The following DLGAP5 variants were observed in gnomAD, a reference collection of about 807,000 sequenced individuals.
DLGAP5 encodes DLG associated protein 5, also known as disks large-associated protein 5.
DLGAP5 carries 90 observed loss-of-function variants against 99.6 expected under a neutral mutation model. That is an observed-to-expected ratio of 0.90 (90% CI 0.76 to 1.08). DLGAP5 has a LOEUF of 1.08. Among genes scored for constraint, DLGAP5 ranks in the 50% least tolerant of loss-of-function variants. The pLI is 0.00. For missense variants in DLGAP5, 1,036 were observed against 983.5 expected (o/e 1.05, Z -0.71); for synonymous variants, 311 against 321.3 (o/e 0.97, Z 0.34).
At position 55,177,433 on chromosome 14, in the gene DLGAP5, A is replaced by T; in HGVS notation, c.775-97T>A. The T allele has an allele frequency of 4.5e-6, 5 of 1,119,402 alleles. No homozygotes were observed. The South Asian group carries it at 8.4e-5, about 19-fold the overall frequency. 69.3% of individuals were successfully genotyped at this position (1,119,402 alleles called of 1,614,324 possible). A position where few individuals can be genotyped will look rare whatever the true frequency, so the allele number is the denominator to read the frequency against. On this transcript the variant is annotated intron_variant, in intron 7 of 18. Coordinates refer to ENST00000247191, the MANE Select transcript of DLGAP5 (RefSeq NM_014750.5). ...TCTGAAAATATGACAACAGAAATATATGTTCTATGTACATAATTTGAGAGA... is the reference window on the plus strand; with the variant it reads ...TCTGAAAATATGACAACAGAAATATTTGTTCTATGTACATAATTTGAGAGA...
Position 55,170,778 on chromosome 14 carries a change from G to A in DLGAP5, c.1311C>T (p.Leu437=), listed in dbSNP as rs780579643. 2.5e-6 allele frequency: 4 copies of A among 1,613,078 alleles called. No homozygotes were observed. Among genetic ancestry groups the A allele is most frequent in the African/African-American group, 1.3e-5 (1 of 74,896 alleles). The change falls in exon 11 of 19, where the codon CTC becomes CTT. Residue 437 remains leucine (L), a synonymous_variant. Coordinates refer to ENST00000247191, the MANE Select transcript of DLGAP5 (RefSeq NM_014750.5). ...AAGTTAATTTCTCAGTTTCTGACTG[G>A]AGGATATTTCTAAAATTATGACATA... ...HHGVPYFRNI[L]QSETEKLTSH...
intron 17 of DLGAP5, among the ~76,000 whole-genome samples, chr14:55,151,430 A>G (rs1214004843): frequency 6.6e-6 from 1 of 152,110 alleles, no homozygotes; most frequent in Non-Finnish European, 1.5e-5. Flanking sequence ...GTACATGTGT[A>G]GGAGAATCGC....
In DLGAP5 at chr14:55,181,244, A is replaced by G. The variant is rs1883263441; in HGVS notation, c.549T>C (p.Ser183=). 6.2e-7 allele frequency: 1 copy of G among 1,613,994 alleles called. No individual in the cohort carries two copies. Among genetic ancestry groups the G allele is most frequent in the African/African-American group, 1.3e-5 (1 of 74,930 alleles). The change falls in exon 5 of 19, where the codon TCT becomes TCC. Residue 183 remains serine, a synonymous_variant. Coordinates refer to ENST00000247191, the MANE Select transcript of DLGAP5 (RefSeq NM_014750.5). ...TCTCTTTGTCTGACACTTTCTTTTC[A>G]GAAGTTTGTCTTGGACCAGGTCGGA... is the stretch of plus-strand genomic sequence containing the variant. ...RAIRPGPRQT[S]EKKVSDKEKK...
chr14:55,173,366 C>T (rs374500942), intron 10 of DLGAP5, among the ~76,000 whole-genome samples: 7 of 151,630 alleles, frequency 4.6e-5, no homozygotes, highest in Non-Finnish European at 8.8e-5. Flanking sequence ...AGAGAGGCTG[C>T]GGTGAGCTGA....
intron 2 of DLGAP5, among the ~76,000 whole-genome samples, chr14:55,184,444 C>T (rs1437007910): frequency 6.6e-6 from 1 of 152,162 alleles, no homozygotes; most frequent in Non-Finnish European, 1.5e-5. Context: ...TATTACTTCA[C>T]TTTTAAATTA....
At chr14:55,178,182 G>A (rs1206596939) in intron 7 of DLGAP5, among the ~76,000 whole-genome samples, 1 of 151,928 alleles carries the variant, frequency 6.6e-6, no homozygotes, top group African/African-American at 2.4e-5. Flanking sequence ...AAACCGGGAG[G>A]TGGAGCTTGC....
At chr14:55,151,076 A>T (rs1004136684) in intron 17 of DLGAP5, among the ~76,000 whole-genome samples, 5 of 152,204 alleles carry the variant, frequency 3.3e-5, no homozygotes, top group African/African-American at 1.2e-4. Flanking sequence ...CATTAAAGGT[A>T]CCCAGAAAAT....
At chr14:55,175,059 A>G (rs1883009974) in intron 10 of DLGAP5, among the ~76,000 whole-genome samples, 1 of 152,220 alleles carries the variant, frequency 6.6e-6, no homozygotes, top group Non-Finnish European at 1.5e-5. Flanking sequence ...TGAACTATCC[A>G]TGGAAGTATT....
chr14:55,165,540 AAC>A (rs1882608937), intron 12 of DLGAP5, among the ~76,000 whole-genome samples: 1 of 151,680 alleles, frequency 6.6e-6, no homozygotes, highest in Non-Finnish European at 1.5e-5. Flanking sequence ...CAAAAAAAAA[AAC>A]CCCAAAAAAA....
chr14:55,162,757 G>A (rs1453009459), intron 13 of DLGAP5, among the ~76,000 whole-genome samples: 2 of 151,902 alleles, frequency 1.3e-5, no homozygotes, highest in African/African-American at 4.8e-5. Context: ...TAAATTTTAT[G>A]TTGATCGATT....
chr14:55,163,747 T>C (rs1882530789), intron 12 of DLGAP5, among the ~76,000 whole-genome samples: 2 of 152,230 alleles, frequency 1.3e-5, no homozygotes, highest in South Asian at 2.1e-4. Context: ...TATCTCACTG[T>C]TGTTTTGATT....
intron 12 of DLGAP5, among the ~76,000 whole-genome samples, chr14:55,164,141 A>G (rs548158425): frequency 1.3e-5 from 2 of 152,292 alleles, no homozygotes; most frequent in East Asian, 3.9e-4. Flanking sequence ...ATGCACTTAT[A>G]CACACATATC....
At chr14:55,186,962 G>A in intron 2 of DLGAP5, among the ~76,000 whole-genome samples, 1 of 152,188 alleles carries the variant, frequency 6.6e-6, no homozygotes, top group South Asian at 2.1e-4. Flanking sequence ...CCAGGCTGGA[G>A]TGCAGTGGTG....
rs1446992840 is a variant in DLGAP5 at position 55,150,804 on chromosome 14, C to G, written c.2413G>C (p.Asp805His). 6.4e-7 allele frequency: 1 copy of G among 1,573,510 alleles called. No homozygotes were observed. Among genetic ancestry groups the G allele is most frequent in the Non-Finnish European group, 8.6e-7 (1 of 1,167,286 alleles). ...TGTCAAGTTGGAAAACTTACTGAAT[C>G]AAGAAGGTGGCATTCAGTAGTGAGA... ...KSLTTECHLL[D>H]SPGLNCSNPF... The change falls in exon 18 of 19, where the codon GAT becomes CAT. Residue 805 changes from aspartate to histidine, a missense_variant. Asp to His is a moderately conservative substitution (Grantham distance 81). Transcript: ENST00000247191.
chr14:55,150,664 G>C (rs945594042), intron 18 of DLGAP5, 135 bp downstream of exon 18: 23 of 627,658 alleles, frequency 3.7e-5, no homozygotes, highest in Admixed American at 1.2e-4. Context: ...TCTTCATTCT[G>C]TGAAAAATGA....
At chr14:55,160,440 G>C (rs1009243652) in intron 13 of DLGAP5, among the ~76,000 whole-genome samples, 1 of 150,982 alleles carries the variant, frequency 6.6e-6, no homozygotes, top group Non-Finnish European at 1.5e-5. Flanking sequence ...AGAAAGGTTA[G>C]ATTTATTTAC....
intron 13 of DLGAP5, among the ~76,000 whole-genome samples, chr14:55,160,268 G>A (rs1882371171): frequency 1.3e-5 from 2 of 150,778 alleles, no homozygotes; most frequent in Non-Finnish European, 3.0e-5. Flanking sequence ...GGTGGCACAC[G>A]CCTGTAATCC....
At chr14:55,180,190 C>A (rs1415862035) in intron 6 of DLGAP5, among the ~76,000 whole-genome samples, 1 of 152,046 alleles carries the variant, frequency 6.6e-6, no homozygotes, top group African/African-American at 2.4e-5. Context: ...ACAATAATGA[C>A]AAATCACCCA....
chr14:55,180,783 G>A lies in DLGAP5; in HGVS notation c.581-5C>T, dbSNP rs1469996550. ...TGGGCATTACAGGCTGCACAACTGT[G>A]GGAAAAAAAAATAACTACATCAAAT... On this transcript the variant is annotated splice_polypyrimidine_tract_variant and splice_region_variant and intron_variant, in intron 5 of 18. Coordinates refer to ENST00000247191, the MANE Select transcript of DLGAP5 (RefSeq NM_014750.5). 2.5e-6 allele frequency: 4 copies of A among 1,610,094 alleles called. No individual in the cohort carries two copies. Among genetic ancestry groups the A allele is most frequent in the Middle Eastern group, 3.3e-4 (2 of 6,028 alleles).
Sources: gnomAD v4.1 joint callset for allele counts (sites outside exome capture counted in the v4.1 genomes callset) on GRCh38, gnomAD v4.1.1 for gene constraint, MANE v1.5 for transcripts, NCBI Gene and HGNC (gene_info 2026-07-23, HGNC 2026-07-21) for gene names.